HMG20A: variants seen among roughly 807,000 people sequenced by gnomAD.
HMG20A encodes the protein high mobility group protein 20A.
Under a neutral mutation model 43.9 loss-of-function variants are expected in HMG20A, and 17 were observed. That is an observed-to-expected ratio of 0.39 (90% CI 0.27 to 0.58). The LOEUF is 0.58. Among genes scored for constraint, HMG20A ranks in the 20% least tolerant of loss-of-function variants. The pLI is 0.59. For synonymous variants in HMG20A, 132 were observed against 147.5 expected (o/e 0.89, Z 0.76); for missense variants, 341 against 438.2 (o/e 0.78, Z 1.98).
chr15:77,512,025 A>G, the HMG20A span, among the ~76,000 whole-genome samples: 1 of 152,222 alleles, frequency 6.6e-6, no homozygotes, highest in African/African-American at 2.4e-5. Flanking sequence ...CCATCAACAG[A>G]TGAATGGATA....
At chr15:77,455,765 C>T (rs190987588) in intron 1 of HMG20A, among the ~76,000 whole-genome samples, 10 of 152,148 alleles carry the variant, frequency 6.6e-5, no homozygotes, top group Admixed American at 6.5e-4. Flanking sequence ...CATCATCAGG[C>T]ACAGATGCTA....
intron 1 of HMG20A, among the ~76,000 whole-genome samples, chr15:77,430,633 G>A (rs1353189131): frequency 1.3e-5 from 2 of 152,204 alleles, no homozygotes; most frequent in Admixed American, 1.3e-4. Context: ...ATGGGGCGGA[G>A]CAGACAAAAC....
intron 1 of HMG20A, among the ~76,000 whole-genome samples, chr15:77,446,548 C>T (rs908242983): frequency 6.6e-6 from 1 of 152,188 alleles, no homozygotes; most frequent in African/African-American, 2.4e-5. Flanking sequence ...TGGCTCACGC[C>T]TGTAATCCCA....
rs567081438 is a variant in HMG20A, at chr15:77,461,796, G to A, written c.90-2444G>A. Among the ~76,000 whole-genome samples the A allele has an allele frequency of 1.2e-3, 189 of 152,218 alleles. 1 individual carries two copies. The highest frequency in any genetic ancestry group is 4.4e-3 in the African/African-American group (184 of 41,522). On this transcript the variant is annotated intron_variant, in intron 2 of 9. Transcript: ENST00000336216. ...ATTTTACCAAAATAAGAATTTACAA[G>A]AATTAGTAACTTAAAAATTGATGGC...
chr15:77,465,615 G>C (rs1372758966), intron 3 of HMG20A, among the ~76,000 whole-genome samples: 2 of 151,994 alleles, frequency 1.3e-5, no homozygotes, highest in South Asian at 2.1e-4. Flanking sequence ...GGCTGGTCTC[G>C]AAATTCTGAC....
At chr15:77,421,108 G>A (rs908103759) in intron 1 of HMG20A, 104 bp downstream of exon 1, 2 of 394,780 alleles carry the variant, frequency 5.1e-6, no homozygotes, top group African/African-American at 2.1e-5. Context: ...TGTCTCAGTT[G>A]GAGGCCGGCT....
intron 1 of HMG20A, among the ~76,000 whole-genome samples, chr15:77,431,817 A>G (rs2073487922): frequency 6.6e-6 from 1 of 152,154 alleles, no homozygotes; most frequent in Admixed American, 6.5e-5. Context: ...ACCCCTGGTA[A>G]CTACCATTCT....
intron 7 of HMG20A, 33 bp downstream of exon 7, chr15:77,477,663 G>T: frequency 2.1e-6 from 3 of 1,445,328 alleles, no homozygotes; most frequent in Non-Finnish European, 2.9e-6. Flanking sequence ...GTGTTTCTCA[G>T]ATTTTTGACA....
the HMG20A span, among the ~76,000 whole-genome samples, chr15:77,501,776 C>T: frequency 1.2e-3 from 182 of 152,312 alleles, 2 homozygotes; most frequent in African/African-American, 4.2e-3. Flanking sequence ...GGCAACATAA[C>T]GAAGGATCCC....
At chr15:77,516,860 G>A in the HMG20A span, among the ~76,000 whole-genome samples, 6 of 151,904 alleles carry the variant, frequency 3.9e-5, no homozygotes, top group East Asian at 5.8e-4. Flanking sequence ...AAGGGTGTGC[G>A]ACACTAAATA....
chr15:77,447,434 C>T (rs1046839436), intron 1 of HMG20A, among the ~76,000 whole-genome samples: 9 of 152,124 alleles, frequency 5.9e-5, no homozygotes, highest in African/African-American at 1.2e-4. Flanking sequence ...ACACATTTTC[C>T]GTCCTAATAT....
intron 1 of HMG20A, among the ~76,000 whole-genome samples, chr15:77,433,241 G>A (rs2073507701): frequency 1.3e-5 from 2 of 151,378 alleles, no homozygotes; most frequent in African/African-American, 4.9e-5. Flanking sequence ...CTAGCTACTC[G>A]GGAGGTAGGA....
rs1006805277 is a variant in HMG20A, at chr15:77,484,473, A to G, written c.*1510A>G. 1 of 152,548 alleles carries G rather than the reference A, an allele frequency of 6.6e-6. No individual in the cohort carries two copies. Among genetic ancestry groups the G allele is most frequent in the Non-Finnish European group, 1.5e-5 (1 of 68,044 alleles). 9.4% of individuals were successfully genotyped at this position (152,548 alleles called of 1,614,324 possible). A position where few individuals can be genotyped will look rare whatever the true frequency, so the allele number is the denominator to read the frequency against. ...GGTGGATAGAAGTGCGGCCCCTCTC[A>G]TAGTATGCCCATAAGTCAGGGCATA... is the stretch of plus-strand genomic sequence containing the variant. On this transcript the variant is annotated 3_prime_UTR_variant, in exon 10 of 10. Coordinates refer to ENST00000336216, the MANE Select transcript of HMG20A (RefSeq NM_001304504.2).
At chr15:77,437,082 T>A (rs893495683) in intron 1 of HMG20A, among the ~76,000 whole-genome samples, 1 of 152,230 alleles carries the variant, frequency 6.6e-6, no homozygotes, top group Admixed American at 6.5e-5. Context: ...TGTGCCTACT[T>A]AACATTTAGC....
chr15:77,427,986 A>G (rs559799891), intron 1 of HMG20A, among the ~76,000 whole-genome samples: 26 of 152,214 alleles, frequency 1.7e-4, no homozygotes, highest in Non-Finnish European at 3.2e-4. Flanking sequence ...GTTTATTCTC[A>G]TACTGCATGA....
In HMG20A at chr15:77,437,872, C is replaced by T. The variant is rs1282315788; in HGVS notation, c.-5+16868C>T. 3.3e-5 allele frequency among the ~76,000 whole-genome samples: 5 copies of T among 152,200 alleles called. No individual in the cohort carries two copies. The South Asian group carries it at 8.3e-4, about 25-fold the overall frequency. ...TACATGTGTGAGCCACTGTGCGCAG[C>T]CCTAAGTTGAAACTCTTTAAAAGTA... On this transcript the variant is annotated intron_variant, in intron 1 of 9. Coordinates refer to ENST00000336216, the MANE Select transcript of HMG20A (RefSeq NM_001304504.2).
At chr15:77,514,612 A>AGAAG in the HMG20A span, among the ~76,000 whole-genome samples, 4 of 152,200 alleles carry the variant, frequency 2.6e-5, no homozygotes, top group Non-Finnish European at 5.9e-5. Context: ...TATGCCATGG[A>AGAAG]GAAGGATGAG....
intron 1 of HMG20A, among the ~76,000 whole-genome samples, chr15:77,456,235 G>C (rs2072652882): frequency 6.6e-6 from 1 of 152,122 alleles, no homozygotes. Context: ...CTCTAACAGG[G>C]TCATGTTGGC....
chr15:77,447,826 T>A (rs185145578), intron 1 of HMG20A: 8 of 152,312 alleles, frequency 5.3e-5, no homozygotes, highest in Non-Finnish European at 8.8e-5. Context: ...TCAACAAATG[T>A]TTGTTGAAAT....
Sources: allele counts gnomAD v4.1 joint callset (sites outside exome capture counted in the v4.1 genomes callset), GRCh38; gene constraint gnomAD v4.1.1; transcripts MANE v1.5; gene names NCBI Gene and HGNC (gene_info 2026-07-23, HGNC 2026-07-21).